The following CYB5B variants were observed in gnomAD, a reference collection of about 807,000 sequenced individuals.
The protein encoded by CYB5B is cytochrome b5 type B (outer mitochondrial membrane).
A neutral mutation model predicts 21.3 loss-of-function variants in CYB5B; 14 were observed. The observed-to-expected ratio is 0.66, with a 90% confidence interval of 0.43 to 1.03. The LOEUF is 1.03. CYB5B is among the 50% of genes least tolerant of loss of function. The pLI is 0.00. For missense variants in CYB5B, 166 were observed against 185.1 expected (o/e 0.90, Z 0.60); for synonymous variants, 69 against 68.4 (o/e 1.01, Z -0.04).
intron 1 of CYB5B, among the ~76,000 whole-genome samples, chr16:69,426,398 CAA>C (rs72024712): frequency 2.2e-4 from 18 of 80,464 alleles, no homozygotes; most frequent in East Asian, 3.4e-4. Context: ...GATTCCATCT[CAA>C]AAAAAAAAAA....
At chr16:69,438,891 C>T (rs1176070413) in intron 1 of CYB5B, among the ~76,000 whole-genome samples, 1 of 152,030 alleles carries the variant, frequency 6.6e-6, no homozygotes, top group Non-Finnish European at 1.5e-5. Flanking sequence ...CAAATATTTT[C>T]TCACATTTGG....
chr16:69,451,993 T>TA (rs1771381366), intron 3 of CYB5B, among the ~76,000 whole-genome samples: 1 of 150,934 alleles, frequency 6.6e-6, no homozygotes, highest in South Asian at 2.1e-4. Flanking sequence ...CTGAGACTTT[T>TA]AGTTCCCCTT....
At chr16:69,454,980 G>A (rs1034204943) in intron 3 of CYB5B, among the ~76,000 whole-genome samples, 1 of 152,042 alleles carries the variant, frequency 6.6e-6, no homozygotes, top group Non-Finnish European at 1.5e-5. Flanking sequence ...TGCAACCTCC[G>A]CCTCTTGGGT....
chr16:69,455,962 A>T (rs781073289), intron 3 of CYB5B, among the ~76,000 whole-genome samples: 1 of 152,168 alleles, frequency 6.6e-6, no homozygotes, highest in Non-Finnish European at 1.5e-5. Context: ...ATGACTTTAG[A>T]ATTCACATTG....
At chr16:69,459,003 C>G (rs1390827698) in intron 3 of CYB5B, 90 bp from the exon 4 acceptor site, 3 of 1,237,982 alleles carry the variant, frequency 2.4e-6, no homozygotes, top group Middle Eastern at 2.8e-4. Context: ...ACAGGGTTGA[C>G]ATAGCTTGAT....
At position 69,464,357 on chromosome 16, in the gene CYB5B, A is replaced by G. The variant is rs1159970592; in HGVS notation, c.*1837A>G. On this transcript the variant is annotated 3_prime_UTR_variant, in exon 5 of 5. Coordinates refer to ENST00000307892, the MANE Select transcript of CYB5B (RefSeq NM_030579.3). Reference sequence around the variant, plus strand: ...CTTTAGAAAAATGTTTGTATGCATTATAAGATGCTACTTTTAAGACAATAT... The same window carrying G: ...CTTTAGAAAAATGTTTGTATGCATTGTAAGATGCTACTTTTAAGACAATAT... 2 of 152,220 alleles carry G rather than the reference A, an allele frequency of 1.3e-5. No homozygotes were observed. Among genetic ancestry groups the G allele is most frequent in the African/African-American group, 2.4e-5 (1 of 41,450 alleles). The allele number at this position is 152,220 out of a possible 1,614,324, so 9.4% of individuals were successfully genotyped here.
At chr16:69,427,690 A>C (rs762663077) in intron 1 of CYB5B, among the ~76,000 whole-genome samples, 1 of 152,076 alleles carries the variant, frequency 6.6e-6, no homozygotes. Flanking sequence ...AATTTTTAAA[A>C]TTTTTTGTAG....
intron 1 of CYB5B, among the ~76,000 whole-genome samples, chr16:69,441,227 C>T (rs1368258161): frequency 6.7e-6 from 1 of 150,014 alleles, no homozygotes; most frequent in African/African-American, 2.5e-5. Context: ...AATCTCAGCT[C>T]ACTGCAACCT....
In CYB5B at chr16:69,465,256, AAGG is replaced by A. The variant is rs1424460001; in HGVS notation, c.*2743_*2745del. 6.5e-6 allele frequency: 1 copy of A among 152,764 alleles called. No homozygotes were observed. The highest frequency in any genetic ancestry group is 2.4e-5 in the African/African-American group (1 of 41,428). 9.5% of individuals were successfully genotyped at this position (152,764 alleles called of 1,614,324 possible). On this transcript the variant is annotated 3_prime_UTR_variant, in exon 5 of 5. Transcript: ENST00000307892. ...GTACACATCATGGCTGCTGGACACGAAGGAGGAGGTGAGAGAAGTTTCATGCTA... is the reference window on the plus strand; with the variant it reads ...GTACACATCATGGCTGCTGGACACGAAGGAGGTGAGAGAAGTTTCATGCTA...
intron 1 of CYB5B, among the ~76,000 whole-genome samples, chr16:69,434,233 G>A (rs759658432): frequency 6.6e-6 from 1 of 152,150 alleles, no homozygotes. Flanking sequence ...ATTTCATTGT[G>A]TGAACATACC....
rs1326790096 is a variant in CYB5B at position 69,464,496 on chromosome 16, T to C, written c.*1976T>C. Reference sequence around the variant, plus strand: ...CTGTAATAAATAAATTGCGTGATTATTGGAGTACATTGGGGTAAAAGTAAA... The same window carrying C: ...CTGTAATAAATAAATTGCGTGATTACTGGAGTACATTGGGGTAAAAGTAAA... On this transcript the variant is annotated 3_prime_UTR_variant, in exon 5 of 5. Transcript: ENST00000307892. The C allele has an allele frequency of 6.6e-6, 1 of 152,336 alleles. No individual in the cohort carries two copies. Among genetic ancestry groups the C allele is most frequent in the South Asian group, 2.1e-4 (1 of 4,824 alleles). The allele number at this position is 152,336 out of a possible 1,614,324, so 9.4% of individuals were successfully genotyped here.
At chr16:69,453,142 G>GT (rs1228694992) in intron 3 of CYB5B, among the ~76,000 whole-genome samples, 11 of 151,990 alleles carry the variant, frequency 7.2e-5, no homozygotes, top group South Asian at 6.2e-4. Context: ...GGCTTAACGT[G>GT]TTTTTTTAAC....
rs2014886339 is a variant in CYB5B, at chr16:69,447,205, G to C, written c.230G>C (p.Ser77Thr). The C allele has an allele frequency of 6.2e-7, 1 of 1,614,100 alleles. No homozygotes were observed. The highest frequency in any genetic ancestry group is 8.5e-7 in the Non-Finnish European group (1 of 1,180,008). ...CAAGCTGGTGTAGATGCAAGTGAAAGCTTTGAAGATGTAGGACACTCTTCT... is the reference window on the plus strand; with the variant it reads ...CAAGCTGGTGTAGATGCAAGTGAAACCTTTGAAGATGTAGGACACTCTTCT... ...LEQAGVDASE[S>T]FEDVGHSSDA... Residue 77 changes from serine (S) to threonine (T), a missense_variant, in exon 2 of 5, where the codon AGC becomes ACC. By Grantham distance (58) the Ser-to-Thr change is moderately conservative. Transcript: ENST00000307892.
At chr16:69,436,631 A>G (rs914591222) in intron 1 of CYB5B, among the ~76,000 whole-genome samples, 2 of 152,090 alleles carry the variant, frequency 1.3e-5, no homozygotes, top group Non-Finnish European at 2.9e-5. Flanking sequence ...TCCATGTTTT[A>G]TTTTGATGAG....
chr16:69,455,826 A>G (rs1203458220), intron 3 of CYB5B, among the ~76,000 whole-genome samples: 1 of 152,126 alleles, frequency 6.6e-6, no homozygotes, highest in African/African-American at 2.4e-5. Context: ...TACTTACGGT[A>G]GTGCTTCTTC....
intron 1 of CYB5B, among the ~76,000 whole-genome samples, chr16:69,432,196 C>T (rs1446407635): frequency 6.6e-6 from 1 of 152,182 alleles, no homozygotes; most frequent in Non-Finnish European, 1.5e-5. Context: ...AAACCACTGA[C>T]ATGTTTGAAG....
chr16:69,432,860 G>A (rs1371810272), intron 1 of CYB5B, among the ~76,000 whole-genome samples: 3 of 151,956 alleles, frequency 2.0e-5, no homozygotes, highest in Non-Finnish European at 2.9e-5. Flanking sequence ...GCAATGGCGC[G>A]ATCTCAGCCC....
intron 3 of CYB5B, among the ~76,000 whole-genome samples, chr16:69,455,704 C>A (rs534741221): frequency 6.6e-6 from 1 of 152,068 alleles, no homozygotes; most frequent in African/African-American, 2.4e-5. Context: ...TGAGCCACCG[C>A]GACTGGCCTT....
chr16:69,444,696 T>C (rs1426596220), intron 1 of CYB5B, among the ~76,000 whole-genome samples: 1 of 152,038 alleles, frequency 6.6e-6, no homozygotes, highest in Non-Finnish European at 1.5e-5. Context: ...TACAAAACAT[T>C]ATGTACTACA....
Sources: gnomAD v4.1 joint callset for allele counts (sites outside exome capture counted in the v4.1 genomes callset) on GRCh38, gnomAD v4.1.1 for gene constraint, MANE v1.5 for transcripts, NCBI Gene and HGNC (gene_info 2026-07-23, HGNC 2026-07-21) for gene names.